FBXL17: variants seen among roughly 807,000 people sequenced by gnomAD.
FBXL17 encodes the protein F-box/LRR-repeat protein 17.
FBXL17 carries 22 observed loss-of-function variants against 66.2 expected under a neutral mutation model. The ratio of observed to expected loss-of-function variants is 0.33; its 90% CI spans 0.24 to 0.47. The LOEUF (loss-of-function observed/expected upper bound fraction) is 0.47. Ranked by LOEUF, FBXL17 falls within the 20% of genes least tolerant of loss-of-function variation. The pLI is 1.00. For missense variants in FBXL17, 878 were observed against 948.2 expected (o/e 0.93, Z 0.97); for synonymous variants, 474 against 400.5 (o/e 1.18, Z -2.19).
At chr5:108,049,309 A>T (rs1257471317) in intron 6 of FBXL17, among the ~76,000 whole-genome samples, 1 of 145,888 alleles carries the variant, frequency 6.9e-6, no homozygotes, top group Non-Finnish European at 1.5e-5. Context: ...CACCCAGCTA[A>T]TTTTTTTTTT....
chr5:108,324,265 T>A (rs976985074), intron 4 of FBXL17, among the ~76,000 whole-genome samples: 2 of 151,882 alleles, frequency 1.3e-5, no homozygotes, highest in African/African-American at 4.8e-5. Flanking sequence ...AAATGAGTAA[T>A]GTATTAGAAG....
intron 4 of FBXL17, among the ~76,000 whole-genome samples, chr5:108,313,977 A>C (rs1045036234): frequency 2.6e-5 from 4 of 151,892 alleles, no homozygotes; most frequent in African/African-American, 9.7e-5. Flanking sequence ...CATGATAAAA[A>C]TTGAAGATGA....
chr5:108,207,594 CAT>C lies in FBXL17; in HGVS notation c.1614+16525_1614+16526del, dbSNP rs1225312373. On this transcript the variant is annotated intron_variant, in intron 5 of 8. Coordinates refer to ENST00000542267, the MANE Select transcript of FBXL17 (RefSeq NM_001163315.3). Reference sequence around the variant, plus strand: ...AACATGCAGTGATTGGTTTTCTTGTCATAGTTTGCTGAGAATGATGGTTTGCA... The same window carrying C: ...AACATGCAGTGATTGGTTTTCTTGTCAGTTTGCTGAGAATGATGGTTTGCA... Among the ~76,000 whole-genome samples the C allele has an allele frequency of 2.6e-5, 4 of 151,728 alleles. No homozygotes were observed. The East Asian group carries it at 7.8e-4, about 30-fold the overall frequency.
chr5:108,157,539 G>C (rs1306014873), intron 6 of FBXL17, among the ~76,000 whole-genome samples: 1 of 151,014 alleles, frequency 6.6e-6, no homozygotes, highest in Non-Finnish European at 1.5e-5. Context: ...TTTAGAAACA[G>C]TCTGTGAAGG....
chr5:108,232,782 C>T lies in FBXL17; in HGVS notation c.1507-8554G>A, dbSNP rs536447369. 6.2e-3 allele frequency among the ~76,000 whole-genome samples: 488 copies of T among 78,226 alleles called. 19 individuals are homozygous for T. Among genetic ancestry groups the T allele is most frequent in the Non-Finnish European group, 0.01 (376 of 37,264 alleles). The allele number at this position is 78,226 out of a possible 152,430, so 51.3% of individuals were successfully genotyped here. A position where few individuals can be genotyped will look rare whatever the true frequency, so the allele number is the denominator to read the frequency against. The stretch of plus-strand genomic sequence containing the variant: ...TAAGTTAATACTGAATAAGCTCTCA[C>T]ATATATATATATATATATATATAAT... On this transcript the variant is annotated intron_variant, in intron 4 of 8. Coordinates refer to ENST00000542267, the MANE Select transcript of FBXL17 (RefSeq NM_001163315.3).
intron 6 of FBXL17, among the ~76,000 whole-genome samples, chr5:108,057,950 T>C (rs1205856219): frequency 2.6e-5 from 4 of 152,206 alleles, no homozygotes; most frequent in Non-Finnish European, 4.4e-5. Flanking sequence ...TTATCTTCAT[T>C]TGACGAATGA....
At chr5:108,350,830 T>C (rs965913592) in intron 3 of FBXL17, among the ~76,000 whole-genome samples, 2 of 152,188 alleles carry the variant, frequency 1.3e-5, no homozygotes, top group Non-Finnish European at 2.9e-5. Context: ...AGGAAGGTAC[T>C]GGAATCTGTG....
At chr5:107,905,513 G>T (rs66528064) in intron 7 of FBXL17, among the ~76,000 whole-genome samples, 1 of 151,960 alleles carries the variant, frequency 6.6e-6, no homozygotes, top group African/African-American at 2.4e-5. Context: ...ACATTTGTTT[G>T]CTATTTGTGA....
intron 6 of FBXL17, among the ~76,000 whole-genome samples, chr5:108,066,571 C>T (rs899311739): frequency 3.3e-5 from 5 of 151,898 alleles, no homozygotes; most frequent in African/African-American, 9.7e-5. Context: ...TAATGCAGGA[C>T]ATGTAAAATA....
chr5:108,009,955 G>T (rs894563170), intron 7 of FBXL17, among the ~76,000 whole-genome samples: 4 of 152,122 alleles, frequency 2.6e-5, no homozygotes, highest in African/African-American at 7.2e-5. Context: ...TGTCCATTTT[G>T]TACCGAGGAA....
chr5:107,861,751 C>T lies in FBXL17; in HGVS notation c.2075G>A (p.Trp692Ter). ...GGAGGCGGCAGACATGTTGGGGGTC[C>T]AGCCCATCTGATAGGCTCTCTCCAA... is the stretch of plus-strand genomic sequence containing the variant. ...RTLERAYQMGWTPNMSAASS is the reference protein window; with the variant it reads ...RTLERAYQMG The change falls in exon 9 of 9, where the codon TGG (tryptophan) becomes TAG (stop). Residue 692 changes from tryptophan to a stop codon, truncating the protein, a stop_gained. Transcript: ENST00000542267. LOFTEE classifies it high-confidence loss of function. 1 of 1,585,836 alleles carries T rather than the reference C, an allele frequency of 6.3e-7. No homozygotes were observed. The highest frequency in any genetic ancestry group is 8.6e-7 in the Non-Finnish European group (1 of 1,163,640).
At chr5:108,290,228 G>A (rs182575753) in intron 4 of FBXL17, among the ~76,000 whole-genome samples, 15 of 152,300 alleles carry the variant, frequency 9.8e-5, no homozygotes, top group Non-Finnish European at 2.1e-4. Flanking sequence ...CCATAGGGAT[G>A]AAGAGAATTC....
intron 4 of FBXL17, among the ~76,000 whole-genome samples, chr5:108,237,887 TGAAA>T (rs1235605251): frequency 6.6e-6 from 1 of 152,108 alleles, no homozygotes; most frequent in Non-Finnish European, 1.5e-5. Context: ...AAATACCAAA[TGAAA>T]GAAATTTATT....
intron 7 of FBXL17, among the ~76,000 whole-genome samples, chr5:107,941,300 T>C (rs1164007669): frequency 6.6e-6 from 1 of 152,208 alleles, no homozygotes; most frequent in African/African-American, 2.4e-5. Flanking sequence ...AAAAACTCCA[T>C]GATTCTCTAT....
chr5:107,980,173 C>T (rs1320396222), intron 7 of FBXL17, among the ~76,000 whole-genome samples: 3 of 151,816 alleles, frequency 2.0e-5, no homozygotes, highest in Non-Finnish European at 2.9e-5. Context: ...AGAAGCTAGG[C>T]AGAGAAAAAA....
chr5:107,904,525 T>C (rs557492375), intron 7 of FBXL17, among the ~76,000 whole-genome samples: 1 of 152,272 alleles, frequency 6.6e-6, no homozygotes, highest in African/African-American at 2.4e-5. Context: ...CTATATCTAG[T>C]TTCTAGTTAT....
chr5:107,979,902 A>G (rs1463726862), intron 7 of FBXL17, among the ~76,000 whole-genome samples: 2 of 152,234 alleles, frequency 1.3e-5, no homozygotes, highest in Non-Finnish European at 2.9e-5. Flanking sequence ...AGAAAAGGAA[A>G]AGAGATTTAA....
intron 6 of FBXL17, among the ~76,000 whole-genome samples, chr5:108,081,924 T>A (rs1748786427): frequency 6.6e-6 from 1 of 152,114 alleles, no homozygotes; most frequent in South Asian, 2.1e-4. Context: ...GAACATCACC[T>A]AAGCCCATTA....
chr5:107,861,029 T>C lies in FBXL17; in HGVS notation c.*691A>G, dbSNP rs929497372. ...TTGTAGAATAATGTATAATTAACTT[T>C]CGTGAGCTGGCCAGGAGAGTTCAGA... On this transcript the variant is annotated 3_prime_UTR_variant, in exon 9 of 9. Transcript: ENST00000542267. 7 of 152,312 alleles carry C rather than the reference T, an allele frequency of 4.6e-5. No individual in the cohort carries two copies. Among genetic ancestry groups the C allele is most frequent in the Admixed American group, 2.6e-4 (4 of 15,302 alleles). 9.4% of individuals were successfully genotyped at this position (152,312 alleles called of 1,614,324 possible). A position where few individuals can be genotyped will look rare whatever the true frequency, so the allele number is the denominator to read the frequency against.
Sources: gnomAD v4.1 joint callset for allele counts (sites outside exome capture counted in the v4.1 genomes callset) on GRCh38, gnomAD v4.1.1 for gene constraint, MANE v1.5 for transcripts, NCBI Gene and HGNC (gene_info 2026-07-23, HGNC 2026-07-21) for gene names.